The following C8orf74 variants were observed in gnomAD, a reference collection of about 807,000 sequenced individuals.
C8orf74 encodes the protein chromosome 8 open reading frame 74.
C8orf74 carries 29 observed loss-of-function variants against 22.2 expected under a neutral mutation model. That is an observed-to-expected ratio of 1.31 (90% CI 0.97 to 1.78). C8orf74 has a LOEUF of 1.78. Ranked by LOEUF, C8orf74 falls within the 40% of genes most tolerant of loss-of-function variation. The pLI is 0.00. For missense variants in C8orf74, 515 were observed against 369.9 expected, an observed-to-expected ratio of 1.39 and a Z score of -3.22; for synonymous variants, 255 against 163.1, an observed-to-expected ratio of 1.56 and a Z score of -4.30.
chr8:10,691,115 T>C (rs1799371793), intron 2 of C8orf74: 1 of 364,190 alleles, frequency 2.7e-6, no homozygotes, highest in East Asian at 7.4e-5. Flanking sequence ...TCCAACAAGC[T>C]TTGCTGAAAC....
rs748726419 is a variant in C8orf74, at chr8:10,700,277, G to C, written c.691G>C (p.Glu231Gln). 1.9e-6 allele frequency: 3 copies of C among 1,612,490 alleles called. No individual in the cohort carries two copies. The highest frequency in any genetic ancestry group is 1.7e-4 in the Middle Eastern group (1 of 6,054). ...LICQAVHTQM[E>Q]LLQELLQRQI... Reference sequence around the variant, plus strand: ...CTGCCAGGCAGTCCACACCCAGATGGAGCTCCTGCAGGAGCTGCTGCAGCG... The same window carrying C: ...CTGCCAGGCAGTCCACACCCAGATGCAGCTCCTGCAGGAGCTGCTGCAGCG... The change falls in exon 4 of 4, where the codon GAG becomes CAG. Residue 231 changes from glutamate to glutamine, a missense_variant. Glu to Gln is a conservative substitution (Grantham distance 29). Coordinates refer to ENST00000304519, the MANE Select transcript of C8orf74 (RefSeq NM_001040032.2).
intron 2 of C8orf74, among the ~76,000 whole-genome samples, chr8:10,685,356 A>G (rs1180244694): frequency 6.6e-6 from 1 of 152,224 alleles, no homozygotes; most frequent in East Asian, 1.9e-4. Flanking sequence ...TGCTCATAGA[A>G]GTATTACTCA....
At chr8:10,694,866 G>A (rs2129058685) in intron 2 of C8orf74, among the ~76,000 whole-genome samples, 1 of 152,272 alleles carries the variant, frequency 6.6e-6, no homozygotes, top group South Asian at 2.1e-4. Flanking sequence ...ATGGATGGAA[G>A]AGTGGATGAA....
At chr8:10,699,946 T>C (rs1057383182) in intron 3 of C8orf74, among the ~76,000 whole-genome samples, 1 of 152,202 alleles carries the variant, frequency 6.6e-6, no homozygotes, top group Non-Finnish European at 1.5e-5. Flanking sequence ...AAGAGAGCTT[T>C]AGTTATAGGC....
chr8:10,681,796 C>T (rs1446647812), intron 2 of C8orf74, among the ~76,000 whole-genome samples: 10 of 152,204 alleles, frequency 6.6e-5, no homozygotes, highest in African/African-American at 2.2e-4. Context: ...TGGCAGGAGG[C>T]GGGACTTGTG....
intron 2 of C8orf74, among the ~76,000 whole-genome samples, chr8:10,693,307 G>C (rs763888176): frequency 2.6e-5 from 4 of 152,072 alleles, no homozygotes; most frequent in Non-Finnish European, 5.9e-5. Flanking sequence ...GTACATCCCA[G>C]CTCCTTTACT....
chr8:10,694,801 A>G (rs1253873524), intron 2 of C8orf74, among the ~76,000 whole-genome samples: 1 of 152,162 alleles, frequency 6.6e-6, no homozygotes, highest in African/African-American at 2.4e-5. Context: ...GATAGATCAA[A>G]GAATTAATGG....
intron 2 of C8orf74, among the ~76,000 whole-genome samples, chr8:10,676,628 A>G (rs1199641510): frequency 6.6e-6 from 1 of 152,042 alleles, no homozygotes; most frequent in African/African-American, 2.4e-5. Flanking sequence ...GTTCCCACCC[A>G]GTGGTCCCAG....
intron 2 of C8orf74, among the ~76,000 whole-genome samples, chr8:10,696,445 T>A: frequency 8.7e-6 from 1 of 114,368 alleles, no homozygotes; most frequent in East Asian, 2.5e-4. Context: ...TCTTTTCTTT[T>A]TTTTTTTTTT....
Position 10,700,572 on chromosome 8 carries a change from A to G in C8orf74, c.*101A>G, listed in dbSNP as rs892524440. On this transcript the variant is annotated 3_prime_UTR_variant, in exon 4 of 4. Coordinates refer to ENST00000304519, the MANE Select transcript of C8orf74 (RefSeq NM_001040032.2). ...AGCACCCACAGAGAGACTTCTTGTG[A>G]TTAAAAGAAACAAACCCATGCCATC... The G allele has an allele frequency of 1.3e-5, 9 of 708,806 alleles. No homozygotes were observed. The East Asian group carries it at 2.0e-4, about 16-fold the overall frequency. The allele number at this position is 708,806 out of a possible 1,614,324, so 43.9% of individuals were successfully genotyped here.
At chr8:10,674,971 G>A in intron 2 of C8orf74, 133 bp downstream of exon 2, 1 of 681,952 alleles carries the variant, frequency 1.5e-6, no homozygotes, top group Non-Finnish European at 2.4e-6. Flanking sequence ...CCTGGCATTG[G>A]GCCTCCTCAC....
intron 2 of C8orf74, among the ~76,000 whole-genome samples, chr8:10,685,049 A>T (rs982438324): frequency 1.3e-5 from 2 of 152,210 alleles, no homozygotes; most frequent in Admixed American, 6.5e-5. Flanking sequence ...CCATCATGCC[A>T]CTCAAAACGG....
intron 2 of C8orf74, among the ~76,000 whole-genome samples, chr8:10,675,251 G>C (rs1332951958): frequency 6.6e-6 from 1 of 152,242 alleles, no homozygotes; most frequent in Non-Finnish European, 1.5e-5. Context: ...CCTGGAGCTT[G>C]CTCACGCAAA....
chr8:10,683,787 T>G (rs1799205025), intron 2 of C8orf74, among the ~76,000 whole-genome samples: 1 of 152,210 alleles, frequency 6.6e-6, no homozygotes, highest in South Asian at 2.1e-4. Context: ...TCTGAGCATC[T>G]GAGGCCCTCA....
chr8:10,698,901 C>CCA (rs59324425), intron 3 of C8orf74, among the ~76,000 whole-genome samples: 39,315 of 137,158 alleles, frequency 0.29, 5,922 homozygotes, highest in East Asian at 0.37. Context: ...TACACACACA[C>CCA]CACACACACA....
chr8:10,681,695 C>T (rs1007928132), intron 2 of C8orf74, among the ~76,000 whole-genome samples: 2 of 152,324 alleles, frequency 1.3e-5, no homozygotes, highest in Non-Finnish European at 2.9e-5. Flanking sequence ...CATCATCACG[C>T]GTGGCAGGCA....
chr8:10,698,813 C>T (rs974247448), intron 3 of C8orf74, among the ~76,000 whole-genome samples: 3 of 151,470 alleles, frequency 2.0e-5, no homozygotes, highest in African/African-American at 4.9e-5. Context: ...AGTTGCAGGG[C>T]CTGTGAGTTC....
intron 2 of C8orf74, among the ~76,000 whole-genome samples, chr8:10,680,860 G>A (rs886770684): frequency 7.2e-5 from 11 of 152,176 alleles, no homozygotes; most frequent in Non-Finnish European, 1.2e-4. Flanking sequence ...ATCCCACCCT[G>A]TCCGCCTCCT....
intron 2 of C8orf74, chr8:10,692,636 A>G (rs1448891647): frequency 6.6e-6 from 1 of 151,862 alleles, no homozygotes; most frequent in East Asian, 1.9e-4. Flanking sequence ...CCTCCTGAGT[A>G]GCTGGGACTA....
Sources: gnomAD v4.1 joint callset for allele counts (sites outside exome capture counted in the v4.1 genomes callset) on GRCh38, gnomAD v4.1.1 for gene constraint, MANE v1.5 for transcripts, NCBI Gene and HGNC (gene_info 2026-07-23, HGNC 2026-07-21) for gene names.